LRRN3: variants seen among roughly 807,000 people sequenced by gnomAD.
The protein encoded by LRRN3 is leucine-rich repeat neuronal protein 3.
In LRRN3, 15 loss-of-function variants were observed where a neutral mutation model predicts 40.1. That is an observed-to-expected ratio of 0.37 (90% CI 0.25 to 0.58). The LOEUF (loss-of-function observed/expected upper bound fraction) is 0.58. Ranked by LOEUF, LRRN3 falls within the 20% of genes least tolerant of loss-of-function variation. LRRN3 has a pLI of 0.72. For synonymous variants in LRRN3, 308 were observed against 297.2 expected, an observed-to-expected ratio of 1.04 and a Z score of -0.37; for missense variants, 746 against 837.7, an observed-to-expected ratio of 0.89 and a Z score of 1.35.
intron 1 of LRRN3, among the ~76,000 whole-genome samples, chr7:111,096,368 T>C (rs1052643528): frequency 2.0e-5 from 3 of 151,910 alleles, no homozygotes; most frequent in African/African-American, 7.2e-5. Context: ...TCCCTTTTTA[T>C]GGAACTTCCA....
At chr7:111,098,915 T>C (rs377026900) in intron 1 of LRRN3, among the ~76,000 whole-genome samples, 1 of 151,770 alleles carries the variant, frequency 6.6e-6, no homozygotes, top group South Asian at 2.1e-4. Context: ...CAAAATACAG[T>C]AACTCTGTTT....
rs1411495826 is a variant in LRRN3 at position 111,091,405 on chromosome 7, C to T, written c.-540C>T. 2 of 152,032 alleles carry T rather than the reference C, an allele frequency of 1.3e-5. No homozygotes were observed. Among genetic ancestry groups the T allele is most frequent in the African/African-American group, 4.8e-5 (2 of 41,384 alleles). The allele number at this position is 152,032 out of a possible 1,614,324, so 9.4% of individuals were successfully genotyped here. A position where few individuals can be genotyped will look rare whatever the true frequency, so the allele number is the denominator to read the frequency against. ...GACACACAAATGCACCTATTTATAC[C>T]GGGCAAGAACACAACCATGTGATTA... On this transcript the variant is annotated 5_prime_UTR_variant, in exon 1 of 3. Coordinates refer to ENST00000308478, the MANE Select transcript of LRRN3 (RefSeq NM_001099658.2).
intron 2 of LRRN3, among the ~76,000 whole-genome samples, chr7:111,117,729 T>C (rs1474793331): frequency 6.6e-6 from 1 of 152,134 alleles, no homozygotes; most frequent in African/African-American, 2.4e-5. Context: ...AGTGGGAGAA[T>C]AGAATTTAAG....
chr7:111,108,149 C>CA (rs879278565), intron 2 of LRRN3, among the ~76,000 whole-genome samples: 3,231 of 152,202 alleles, frequency 0.021, 122 homozygotes, highest in African/African-American at 0.074. Context: ...GAGACAAAAA[C>CA]CTCACAGATT....
chr7:111,116,458 G>A (rs757226757), intron 2 of LRRN3, among the ~76,000 whole-genome samples: 4 of 152,020 alleles, frequency 2.6e-5, no homozygotes, highest in Non-Finnish European at 5.9e-5. Flanking sequence ...AAATATATGG[G>A]TATACATGAC....
Position 111,091,364 on chromosome 7 carries a change from T to C in LRRN3, c.-581T>C, listed in dbSNP as rs942486151. 5 of 152,166 alleles carry C rather than the reference T, an allele frequency of 3.3e-5. No individual in the cohort carries two copies. The highest frequency in any genetic ancestry group is 7.4e-5 in the Non-Finnish European group (5 of 68,024). 9.4% of individuals were successfully genotyped at this position (152,166 alleles called of 1,614,324 possible). A position where few individuals can be genotyped will look rare whatever the true frequency, so the allele number is the denominator to read the frequency against. On this transcript the variant is annotated 5_prime_UTR_variant, in exon 1 of 3. Transcript: ENST00000308478. The stretch of plus-strand genomic sequence containing the variant: ...GTGCATATCTATAGTATATATTTTG[T>C]ACACTTTGTTACACAGACACACAAA...
At chr7:111,096,789 C>G (rs1797447589) in intron 1 of LRRN3, among the ~76,000 whole-genome samples, 1 of 151,862 alleles carries the variant, frequency 6.6e-6, no homozygotes, top group Admixed American at 6.6e-5. Context: ...CATCTCCTTT[C>G]TGGTTTGTCT....
chr7:111,103,892 A>C (rs1184275779), intron 2 of LRRN3, among the ~76,000 whole-genome samples: 1 of 151,610 alleles, frequency 6.6e-6, no homozygotes, highest in East Asian at 1.9e-4. Context: ...CTGATCCCTT[A>C]ATGACTAGGC....
At chr7:111,111,299 TAAAAAAAAAAAA>T (rs751990466) in intron 2 of LRRN3, among the ~76,000 whole-genome samples, 13 of 92,282 alleles carry the variant, frequency 1.4e-4, no homozygotes, top group African/African-American at 4.6e-4. Flanking sequence ...GTAGCAGTTG[TAAAAAAAAAAAA>T]AAAAAAAAAA....
At chr7:111,108,965 G>T (rs1798865410) in intron 2 of LRRN3, among the ~76,000 whole-genome samples, 2 of 152,122 alleles carry the variant, frequency 1.3e-5, no homozygotes, top group Non-Finnish European at 2.9e-5. Flanking sequence ...GAATAAAACG[G>T]AAACAACTTT....
intron 2 of LRRN3, among the ~76,000 whole-genome samples, chr7:111,110,352 CAA>C (rs1195239729): frequency 6.6e-6 from 1 of 152,094 alleles, no homozygotes; most frequent in Non-Finnish European, 1.5e-5. Context: ...ATTATTATGA[CAA>C]AGTTTAATTA....
At chr7:111,118,624 A>G (rs1800180871) in intron 2 of LRRN3, among the ~76,000 whole-genome samples, 1 of 152,150 alleles carries the variant, frequency 6.6e-6, no homozygotes. Context: ...TTAAATTAAT[A>G]ATGAATAAGA....
chr7:111,118,879 T>C (rs544097115), intron 2 of LRRN3, among the ~76,000 whole-genome samples: 2 of 152,296 alleles, frequency 1.3e-5, no homozygotes, highest in African/African-American at 4.8e-5. Flanking sequence ...ATAAACACTC[T>C]CATTTGCAAA....
At chr7:111,099,691 A>T (rs1797762610) in intron 1 of LRRN3, among the ~76,000 whole-genome samples, 190 bp from the exon 2 acceptor site, 1 of 151,752 alleles carries the variant, frequency 6.6e-6, no homozygotes, top group African/African-American at 2.4e-5. Context: ...TTCTATTCAA[A>T]ATGAAGTTTT....
chr7:111,110,032 G>A (rs1799012905), intron 2 of LRRN3, among the ~76,000 whole-genome samples: 2 of 152,302 alleles, frequency 1.3e-5, no homozygotes, highest in South Asian at 4.1e-4. Context: ...CTACTCAGGA[G>A]GCTGAGGCAG....
intron 2 of LRRN3, among the ~76,000 whole-genome samples, chr7:111,119,766 A>T (rs765026609): frequency 7.9e-5 from 12 of 152,070 alleles, no homozygotes; most frequent in Non-Finnish European, 1.3e-4. Context: ...TGCCCAGAAG[A>T]TAGGATGCAA....
At chr7:111,118,918 G>A (rs1027992496) in intron 2 of LRRN3, among the ~76,000 whole-genome samples, 1 of 152,100 alleles carries the variant, frequency 6.6e-6, no homozygotes, top group Non-Finnish European at 1.5e-5. Flanking sequence ...AATTCAAAAT[G>A]TGGTTGTTTC....
chr7:111,100,741 A>T (rs1048841233), intron 2 of LRRN3, among the ~76,000 whole-genome samples: 3 of 151,514 alleles, frequency 2.0e-5, no homozygotes, highest in Non-Finnish European at 4.4e-5. Flanking sequence ...TAATGTATGT[A>T]AAAATATCAT....
At chr7:111,122,068 G>A (rs1389177723) in intron 2 of LRRN3, among the ~76,000 whole-genome samples, 12 of 144,218 alleles carry the variant, frequency 8.3e-5, no homozygotes, top group Non-Finnish European at 1.1e-4. Flanking sequence ...ATCACACACC[G>A]GGGCCTGTTG....
Sources: allele counts gnomAD v4.1 joint callset (sites outside exome capture counted in the v4.1 genomes callset), GRCh38; gene constraint gnomAD v4.1.1; transcripts MANE v1.5; gene names NCBI Gene and HGNC (gene_info 2026-07-23, HGNC 2026-07-21).